The following RNF220 variants were observed in gnomAD, a reference collection of about 807,000 sequenced individuals.
RNF220 encodes the protein ring finger protein 220, also known as E3 ubiquitin-protein ligase RNF220.
RNF220 carries 7 observed loss-of-function variants against 67.1 expected under a neutral mutation model. The ratio of observed to expected loss-of-function variants is 0.10; its 90% CI spans 0.06 to 0.20. RNF220 has a LOEUF of 0.20. Ranked by LOEUF, RNF220 falls within the 10% of genes least tolerant of loss-of-function variation. RNF220 has a pLI of 1.00. For missense variants in RNF220, 565 were observed against 740.3 expected (o/e 0.76, Z 2.75); for synonymous variants, 270 against 283.2 (o/e 0.95, Z 0.47).
intron 2 of RNF220, among the ~76,000 whole-genome samples, chr1:44,539,820 C>A (rs1661536447): frequency 6.6e-6 from 1 of 152,182 alleles, no homozygotes; most frequent in African/African-American, 2.4e-5. Context: ...TACCTCTCCC[C>A]CAATCTATGC....
rs547448794 is a variant in RNF220, at chr1:44,618,753, G to A, written c.759-3989G>A. On this transcript the variant is annotated intron_variant, in intron 3 of 14. Coordinates refer to ENST00000361799, the MANE Select transcript of RNF220 (RefSeq NM_018150.4). ...GGAGTGTGGGTTGGGGGAAGAAACAGGAGGCAAGGGAGGAGGTCGGCCAGG... is the reference window on the plus strand; with the variant it reads ...GGAGTGTGGGTTGGGGGAAGAAACAAGAGGCAAGGGAGGAGGTCGGCCAGG... 7.4e-4 allele frequency among the ~76,000 whole-genome samples: 113 copies of A among 152,304 alleles called. No individual in the cohort carries two copies. In the South Asian group the frequency reaches 0.018, roughly 24 times the overall value.
intron 2 of RNF220, among the ~76,000 whole-genome samples, chr1:44,539,329 T>G (rs1661496940): frequency 6.6e-6 from 1 of 152,224 alleles, no homozygotes; most frequent in South Asian, 2.1e-4. Context: ...CTCAGTCTCC[T>G]TGGGTGACTC....
chr1:44,418,753 T>C (rs1407198537), intron 2 of RNF220, among the ~76,000 whole-genome samples: 3 of 152,196 alleles, frequency 2.0e-5, no homozygotes, highest in Non-Finnish European at 4.4e-5. Flanking sequence ...AATTATATTT[T>C]TATATTGGTT....
intron 2 of RNF220, among the ~76,000 whole-genome samples, chr1:44,595,351 G>A (rs952983521): frequency 3.3e-5 from 5 of 152,154 alleles, no homozygotes; most frequent in Non-Finnish European, 7.4e-5. Flanking sequence ...ACCCCCTCCA[G>A]GACGCCCGGG....
intron 2 of RNF220, among the ~76,000 whole-genome samples, chr1:44,554,878 C>T (rs1038150247): frequency 6.6e-6 from 1 of 152,096 alleles, no homozygotes; most frequent in Non-Finnish European, 1.5e-5. Context: ...GTCTTTGTCC[C>T]TCCTCTTAGA....
intron 2 of RNF220, among the ~76,000 whole-genome samples, chr1:44,558,433 CTT>C (rs1316180156): frequency 2.0e-5 from 3 of 152,196 alleles, no homozygotes; most frequent in Non-Finnish European, 4.4e-5. Flanking sequence ...ATGTGTAAGA[CTT>C]TGTCTAAACC....
chr1:44,650,924 T>G lies in RNF220; in HGVS notation c.*149T>G. 1 of 695,208 alleles carries G rather than the reference T, an allele frequency of 1.4e-6. No individual in the cohort carries two copies. The highest frequency in any genetic ancestry group is 2.4e-4 in the Middle Eastern group (1 of 4,208). 43.1% of individuals were successfully genotyped at this position (695,208 alleles called of 1,614,324 possible). A position where few individuals can be genotyped will look rare whatever the true frequency, so the allele number is the denominator to read the frequency against. ...CAAACATGCGTACACACACACACATTTACACACGCAGGACTCTGGAGCCAG... is the reference window on the plus strand; with the variant it reads ...CAAACATGCGTACACACACACACATGTACACACGCAGGACTCTGGAGCCAG... On this transcript the variant is annotated 3_prime_UTR_variant, in exon 15 of 15. Transcript: ENST00000361799. The surrounding 1 kb of genome is among the most constrained non-coding windows in gnomAD (Gnocchi z 4.3).
intron 2 of RNF220, among the ~76,000 whole-genome samples, chr1:44,575,417 C>T (rs1664735769): frequency 6.6e-6 from 1 of 152,144 alleles, no homozygotes; most frequent in South Asian, 2.1e-4. Context: ...GGTGGGCACT[C>T]AGGTTGACTC....
At chr1:44,578,558 C>T (rs1047567595) in intron 2 of RNF220, among the ~76,000 whole-genome samples, 11 of 152,328 alleles carry the variant, frequency 7.2e-5, no homozygotes, top group Admixed American at 5.2e-4. Context: ...TATGGGCCCC[C>T]ATGCATCTAC....
chr1:44,423,789 T>C (rs1649464449), intron 2 of RNF220: 1 of 970,138 alleles, frequency 1.0e-6, no homozygotes, highest in Non-Finnish European at 1.2e-6. Flanking sequence ...TGGCAGAGTT[T>C]CTTGGCAAAG....
chr1:44,613,846 C>CA lies in RNF220; in HGVS notation c.626-318dup, dbSNP rs1478285487. 2.6e-5 allele frequency among the ~76,000 whole-genome samples: 4 copies of CA among 152,180 alleles called. No homozygotes were observed. In the East Asian group the frequency reaches 5.8e-4, roughly 22 times the overall value. Reference sequence around the variant, plus strand: ...GAGCCAAGATCACGCTACTGTACTCCAGCCTGGGCAACAGAGCAAGACTCT... The same window carrying CA: ...GAGCCAAGATCACGCTACTGTACTCCAAGCCTGGGCAACAGAGCAAGACTCT... On this transcript the variant is annotated intron_variant, in intron 2 of 14. Coordinates refer to ENST00000361799, the MANE Select transcript of RNF220 (RefSeq NM_018150.4).
intron 12 of RNF220, among the ~76,000 whole-genome samples, chr1:44,646,106 T>C (rs1644638084): frequency 6.6e-6 from 1 of 152,164 alleles, no homozygotes; most frequent in Non-Finnish European, 1.5e-5. Context: ...CATTGTCCAG[T>C]CTAGGCTGCC....
chr1:44,590,550 T>C (rs993858016), intron 2 of RNF220, among the ~76,000 whole-genome samples: 4 of 152,210 alleles, frequency 2.6e-5, no homozygotes, highest in African/African-American at 9.6e-5. Context: ...GAACTAAACT[T>C]GGGTGATTCT....
chr1:44,536,736 T>G (rs1661255199), intron 2 of RNF220, among the ~76,000 whole-genome samples: 1 of 151,998 alleles, frequency 6.6e-6, no homozygotes, highest in African/African-American at 2.4e-5. Context: ...CGCCCAAACC[T>G]CACCAAGGGG....
chr1:44,459,579 T>A (rs1300279706), intron 2 of RNF220, among the ~76,000 whole-genome samples: 1 of 152,012 alleles, frequency 6.6e-6, no homozygotes, highest in African/African-American at 2.4e-5. Context: ...TAAAGGAATT[T>A]GGGGATCTTC....
chr1:44,542,519 T>G (rs890885736), intron 2 of RNF220, among the ~76,000 whole-genome samples: 3 of 152,058 alleles, frequency 2.0e-5, no homozygotes, highest in Non-Finnish European at 4.4e-5. Context: ...AGGCGCACAA[T>G]CCCAGCTAAT....
intron 2 of RNF220, among the ~76,000 whole-genome samples, chr1:44,569,696 T>C (rs1339554942): frequency 6.6e-6 from 1 of 152,044 alleles, no homozygotes; most frequent in South Asian, 2.1e-4. Context: ...CTACACTACC[T>C]GCTGAGAAGC....
chr1:44,497,775 T>C (rs1657473711), intron 2 of RNF220, among the ~76,000 whole-genome samples: 1 of 152,230 alleles, frequency 6.6e-6, no homozygotes, highest in Non-Finnish European at 1.5e-5. Context: ...AGCCACCTTA[T>C]TGAGCACCTA....
At chr1:44,447,828 C>G (rs149450211) in intron 2 of RNF220, among the ~76,000 whole-genome samples, 3,038 of 152,308 alleles carry the variant, frequency 0.02, 52 homozygotes, top group South Asian at 0.061. Flanking sequence ...AAAGCTGATG[C>G]TCTGCCCCTG....
Sources: allele counts gnomAD v4.1 joint callset (sites outside exome capture counted in the v4.1 genomes callset), GRCh38; gene constraint gnomAD v4.1.1; non-coding constraint Gnocchi (gnomAD v3.1); transcripts MANE v1.5; gene names NCBI Gene and HGNC (gene_info 2026-07-23, HGNC 2026-07-21).